PLA2R1: variants seen among roughly 807,000 people sequenced by gnomAD.
PLA2R1 encodes the protein secretory phospholipase A2 receptor.
Under a neutral mutation model 195.9 loss-of-function variants are expected in PLA2R1, and 158 were observed. The observed-to-expected ratio is 0.81, with a 90% CI of 0.71 to 0.92. The LOEUF (loss-of-function observed/expected upper bound fraction) is 0.92. Among genes scored for constraint, PLA2R1 ranks in the 40% least tolerant of loss-of-function variants. The probability of loss-of-function intolerance (pLI) is 0.00; values close to 1 mark genes in which losing one functional copy is unlikely to be tolerated. For missense variants in PLA2R1, 1,626 were observed against 1,764.6 expected, an observed-to-expected ratio of 0.92 and a Z score of 1.41; for synonymous variants, 586 against 598.2, an observed-to-expected ratio of 0.98 and a Z score of 0.30.
At chr2:159,992,774 G>A (rs1243896212) in intron 11 of PLA2R1, among the ~76,000 whole-genome samples, 3 of 152,106 alleles carry the variant, frequency 2.0e-5, no homozygotes, top group Non-Finnish European at 2.9e-5. Flanking sequence ...ATACTACAGG[G>A]CACTTTCAAG....
chr2:160,024,033 G>A lies in PLA2R1; in HGVS notation c.1100-1174C>T, dbSNP rs373281539. ...ACAGTTCTTGCCACTGAGGACCCCT[G>A]CAGCCCCCACAGGCACTAAGCCCAT... is the stretch of plus-strand genomic sequence containing the variant. On this transcript the variant is annotated intron_variant, in intron 6 of 29. Coordinates refer to ENST00000283243, the MANE Select transcript of PLA2R1 (RefSeq NM_007366.5). 8.8e-5 allele frequency among the ~76,000 whole-genome samples: 13 copies of A among 148,254 alleles called. No individual in the cohort carries two copies. In the East Asian group the frequency reaches 1.9e-3, roughly 22 times the overall value.
intron 20 of PLA2R1, among the ~76,000 whole-genome samples, chr2:159,958,171 G>A (rs1315514049): frequency 6.6e-6 from 1 of 152,092 alleles, no homozygotes; most frequent in Non-Finnish European, 1.5e-5. Context: ...CCCTCTTGAA[G>A]GCTTAGGACC....
chr2:160,045,541 G>A (rs558427370), intron 1 of PLA2R1, among the ~76,000 whole-genome samples: 1 of 152,300 alleles, frequency 6.6e-6, no homozygotes, highest in South Asian at 2.1e-4. Flanking sequence ...CAATGGATAT[G>A]ACAACACTGT....
At chr2:159,943,260 C>T (rs1399650116) in intron 28 of PLA2R1, among the ~76,000 whole-genome samples, 1 of 152,130 alleles carries the variant, frequency 6.6e-6, no homozygotes, top group African/African-American at 2.4e-5. Context: ...CGTGAGCCAC[C>T]ACCCCCGGCC....
intron 11 of PLA2R1, among the ~76,000 whole-genome samples, chr2:159,990,299 C>G (rs1238362985): frequency 6.6e-6 from 1 of 152,122 alleles, no homozygotes; most frequent in African/African-American, 2.4e-5. Flanking sequence ...TTAACAGATT[C>G]TCCTTACCTG....
In PLA2R1 at chr2:160,039,547, T is replaced by C. The variant is rs552058699; in HGVS notation, c.667+2478A>G. The stretch of plus-strand genomic sequence containing the variant: ...AATTTCCCACATAAGAAGGATGAGA[T>C]ACAGCAGTACAGACCTTTACTTTAT... On this transcript the variant is annotated intron_variant, in intron 3 of 29. Transcript: ENST00000283243. 1.1e-3 allele frequency among the ~76,000 whole-genome samples: 168 copies of C among 152,286 alleles called. 1 individual carries two copies. The highest frequency in any genetic ancestry group is 1.9e-3 in the Non-Finnish European group (128 of 68,014).
chr2:159,930,277 A>T (rs575789367), downstream of PLA2R1, among the ~76,000 whole-genome samples: 1 of 152,126 alleles, frequency 6.6e-6, no homozygotes, highest in Non-Finnish European at 1.5e-5. Flanking sequence ...GCATGGTGGC[A>T]CGCGCCTGTA....
chr2:159,983,785 A>G (rs1690133815), intron 13 of PLA2R1, 143 bp downstream of exon 13: 1 of 516,692 alleles, frequency 1.9e-6, no homozygotes. Flanking sequence ...ACATAAAACT[A>G]TATGTATATT....
Position 160,026,470 on chromosome 2 carries a change from C to T in PLA2R1, c.1099+1748G>A, listed in dbSNP as rs565246888. Reference sequence around the variant, plus strand: ...TTTGAAAATAAGTCTTGAGTGTCCACGATGTTGCTCTGGGCTGATATGGAC... The same window carrying T: ...TTTGAAAATAAGTCTTGAGTGTCCATGATGTTGCTCTGGGCTGATATGGAC... On this transcript the variant is annotated intron_variant, in intron 6 of 29. Coordinates refer to ENST00000283243, the MANE Select transcript of PLA2R1 (RefSeq NM_007366.5). Among the ~76,000 whole-genome samples the T allele has an allele frequency of 5.3e-5, 8 of 152,212 alleles. No individual in the cohort carries two copies. The South Asian group carries it at 6.2e-4, about 12-fold the overall frequency.
chr2:160,035,550 T>C (rs1333870056), intron 3 of PLA2R1, among the ~76,000 whole-genome samples: 1 of 152,226 alleles, frequency 6.6e-6, no homozygotes, highest in Non-Finnish European at 1.5e-5. Flanking sequence ...TAAAATCCTA[T>C]TGTTATATTC....
chr2:159,979,925 A>G lies in PLA2R1; in HGVS notation c.2184-11T>C. On this transcript the variant is annotated splice_polypyrimidine_tract_variant and intron_variant, in intron 13 of 29. Transcript: ENST00000283243. ...TGCCTTTCTTCTGTCCTGTAAAGAG[A>G]AGAAACAAAAGCTTTGCCTTTCCCA... 1 of 1,514,574 alleles carries G rather than the reference A, an allele frequency of 6.6e-7. No homozygotes were observed. Among genetic ancestry groups the G allele is most frequent in the Non-Finnish European group, 9.1e-7 (1 of 1,096,828 alleles). The allele number at this position is 1,514,574 out of a possible 1,614,324, so 93.8% of individuals were successfully genotyped here. A position where few individuals can be genotyped will look rare whatever the true frequency, so the allele number is the denominator to read the frequency against.
At chr2:159,994,060 CTGCTAATGTCACAAAAAGA>C (rs1282862952) in intron 11 of PLA2R1, among the ~76,000 whole-genome samples, 2 of 151,506 alleles carry the variant, frequency 1.3e-5, no homozygotes, top group South Asian at 4.2e-4. Context: ...CCATCAAAGG[CTGCTAATGTCACAAAAAGA>C]GAAAAAAAAA....
rs370734722 is a variant in PLA2R1, at chr2:160,028,987, CA to C, written c.842-25del. ...CTCTGAAATGAAAATTATGGAGCTT[CA>C]AAAAAAAAATCCAGTGTTACACATC... On this transcript the variant is annotated intron_variant, in intron 4 of 29. Transcript: ENST00000283243. 4.7e-3 allele frequency: 5,416 copies of C among 1,151,378 alleles called. 1 individual carries two copies. The highest frequency in any genetic ancestry group is 6.4e-3 in the Middle Eastern group (32 of 5,038). The allele number at this position is 1,151,378 out of a possible 1,614,324, so 71.3% of individuals were successfully genotyped here.
Position 159,941,775 on chromosome 2 carries a change from T to G in PLA2R1, c.*3A>C. The stretch of plus-strand genomic sequence containing the variant: ...GTGTCTGTGGCATTCTCTGACCTCA[T>G]TATTATTGGTCACTCTTCTCAAGAT... On this transcript the variant is annotated 3_prime_UTR_variant, in exon 30 of 30. Coordinates refer to ENST00000283243, the MANE Select transcript of PLA2R1 (RefSeq NM_007366.5). 1.3e-6 allele frequency: 2 copies of G among 1,504,230 alleles called. No homozygotes were observed. Among genetic ancestry groups the G allele is most frequent in the Non-Finnish European group, 1.9e-6 (2 of 1,080,950 alleles). 93.2% of individuals were successfully genotyped at this position (1,504,230 alleles called of 1,614,324 possible). A position where few individuals can be genotyped will look rare whatever the true frequency, so the allele number is the denominator to read the frequency against.
Position 159,983,261 on chromosome 2 carries a change from A to C in PLA2R1, c.2183+667T>G, listed in dbSNP as rs967887442. Among the ~76,000 whole-genome samples the C allele has an allele frequency of 2.6e-5, 4 of 152,202 alleles. No individual in the cohort carries two copies. The South Asian group carries it at 6.2e-4, about 24-fold the overall frequency. ...AACTGGAAGGAATTATGCAGACAGC[A>C]GATGACCACGGTATGTGGTGGGAGG... On this transcript the variant is annotated intron_variant, in intron 13 of 29. Transcript: ENST00000283243.
At chr2:160,010,333 G>A (rs1285039795) in intron 10 of PLA2R1, among the ~76,000 whole-genome samples, 1 of 152,114 alleles carries the variant, frequency 6.6e-6, no homozygotes, top group Non-Finnish European at 1.5e-5. Context: ...AAAGTGGCCA[G>A]GCCTGAAAAA....
At chr2:159,983,885 T>C (rs776132036) in intron 13 of PLA2R1, 43 bp downstream of exon 13, 18 of 1,138,444 alleles carry the variant, frequency 1.6e-5, no homozygotes, top group Admixed American at 5.9e-5. Context: ...TACTGGGAGA[T>C]AGAATATTTG....
At chr2:159,929,874 A>ATATG (rs1280857286), downstream of PLA2R1, among the ~76,000 whole-genome samples, 60 of 150,398 alleles carry the variant, frequency 4.0e-4, no homozygotes, top group African/African-American at 1.4e-3. Context: ...GTGTGTGTGT[A>ATATG]TATATATATA....
chr2:160,005,578 G>T, intron 11 of PLA2R1, 74 bp downstream of exon 11: 1 of 1,251,134 alleles, frequency 8.0e-7, no homozygotes, highest in Non-Finnish European at 1.1e-6. Context: ...AATCAAAGGA[G>T]GTGGGCCAAG....
Sources: allele counts gnomAD v4.1 joint callset (sites outside exome capture counted in the v4.1 genomes callset), GRCh38; gene constraint gnomAD v4.1.1; transcripts MANE v1.5; gene names NCBI Gene and HGNC (gene_info 2026-07-23, HGNC 2026-07-21).